Variants in SPATA9 observed in about 807,000 individuals in gnomAD.
SPATA9 encodes spermatogenesis associated 9.
A neutral mutation model predicts 25.5 loss-of-function variants in SPATA9; 27 were observed. That is an observed-to-expected ratio of 1.06 (90% CI 0.78 to 1.46). SPATA9 has a LOEUF of 1.46. SPATA9 is among the 40% of genes most tolerant of loss of function. The pLI, the probability that SPATA9 is intolerant of heterozygous loss-of-function variation, is 0.00. For synonymous variants in SPATA9, 102 were observed against 105.7 expected, an observed-to-expected ratio of 0.97 and a Z score of 0.21; for missense variants, 282 against 297.5, an observed-to-expected ratio of 0.95 and a Z score of 0.38.
At chr5:95,726,963 C>T in the SPATA9 span, among the ~76,000 whole-genome samples, 3 of 151,928 alleles carry the variant, frequency 2.0e-5, no homozygotes, top group African/African-American at 4.8e-5. Flanking sequence ...TTCGTTTCCC[C>T]CCTTTTTTTT....
In SPATA9 at chr5:95,663,930, T is replaced by G; in HGVS notation, c.474+23A>C. On this transcript the variant is annotated intron_variant, in intron 4 of 4. Transcript: ENST00000274432. ...CAAAATAAGTAGATTTATTTCTAGA[T>G]TCTAATAATTTTCTTAACTTACCAA... 2.3e-6 allele frequency: 3 copies of G among 1,315,002 alleles called. No homozygotes were observed. The South Asian group carries it at 4.2e-5, about 18-fold the overall frequency. 81.5% of individuals were successfully genotyped at this position (1,315,002 alleles called of 1,614,324 possible). A position where few individuals can be genotyped will look rare whatever the true frequency, so the allele number is the denominator to read the frequency against.
rs1580297191 is a variant in SPATA9 at position 95,665,186 on chromosome 5, C to T, written c.379-1138G>A. Reference sequence around the variant, plus strand: ...TAGTTAGCATCTGTATCACATTGTGCATTTATCATTTCTTTGTGGTGAGAA... The same window carrying T: ...TAGTTAGCATCTGTATCACATTGTGTATTTATCATTTCTTTGTGGTGAGAA... On this transcript the variant is annotated intron_variant, in intron 3 of 4. Coordinates refer to ENST00000274432, the MANE Select transcript of SPATA9 (RefSeq NM_031952.4). Among the ~76,000 whole-genome samples, 5 of 152,130 alleles carry T rather than the reference C, an allele frequency of 3.3e-5. No homozygotes were observed. In the South Asian group the frequency reaches 1.0e-3, roughly 31 times the overall value.
chr5:95,730,761 C>T, the SPATA9 span: 1 of 377,510 alleles, frequency 2.6e-6, no homozygotes, highest in Admixed American at 3.1e-5. Flanking sequence ...CCCAAGGCGA[C>T]ATTAGCAAAT....
intron 3 of SPATA9, chr5:95,674,604 C>T (rs149991621): frequency 0.015 from 3,874 of 252,490 alleles, 53 homozygotes; most frequent in Non-Finnish European, 0.018. Flanking sequence ...GAAAGTCAGC[C>T]TAATAATGGA....
intron 1 of SPATA9, among the ~76,000 whole-genome samples, chr5:95,695,727 A>G (rs1580358590): frequency 6.6e-6 from 1 of 152,342 alleles, no homozygotes; most frequent in South Asian, 2.1e-4. Context: ...GAAATATATG[A>G]AATATTTGTT....
At chr5:95,667,292 G>A (rs2112587321) in intron 3 of SPATA9, among the ~76,000 whole-genome samples, 1 of 141,474 alleles carries the variant, frequency 7.1e-6, no homozygotes, top group African/African-American at 2.6e-5. Flanking sequence ...ACCAAGAATA[G>A]GATCTAGCCT....
At chr5:95,662,782 T>TA (rs1751385356) in intron 4 of SPATA9, among the ~76,000 whole-genome samples, 1 of 152,180 alleles carries the variant, frequency 6.6e-6, no homozygotes, top group South Asian at 2.1e-4. Flanking sequence ...AATGTCCAAC[T>TA]AATATATGCA....
chr5:95,664,469 G>A (rs1751567739), intron 3 of SPATA9, among the ~76,000 whole-genome samples: 1 of 152,136 alleles, frequency 6.6e-6, no homozygotes. Context: ...GACCTGCTTG[G>A]AAATGTTAAT....
At chr5:95,678,757 A>G (rs1422630905) in intron 2 of SPATA9, among the ~76,000 whole-genome samples, 2 of 152,168 alleles carry the variant, frequency 1.3e-5, no homozygotes, top group Non-Finnish European at 2.9e-5. Flanking sequence ...TTACAATCTA[A>G]CCTTTTAAAA....
chr5:95,658,021 T>G (rs1383572977), downstream of SPATA9: 1 of 152,156 alleles, frequency 6.6e-6, no homozygotes, highest in East Asian at 1.9e-4. Context: ...TGCACTTGAT[T>G]TTTCATTCTA....
chr5:95,717,200 A>C, the SPATA9 span: 1 of 152,224 alleles, frequency 6.6e-6, no homozygotes, highest in African/African-American at 2.4e-5. Flanking sequence ...TAACAGAATA[A>C]AGATTGTCCT....
intron 2 of SPATA9, among the ~76,000 whole-genome samples, 192 bp downstream of exon 2, chr5:95,682,336 G>T (rs1753536736): frequency 6.6e-6 from 1 of 151,938 alleles, no homozygotes; most frequent in Admixed American, 6.6e-5. Flanking sequence ...CTCACTTCTT[G>T]GTCCACAATC....
chr5:95,706,516 T>C, the SPATA9 span, among the ~76,000 whole-genome samples: 6 of 152,002 alleles, frequency 3.9e-5, no homozygotes, highest in Admixed American at 3.3e-4. Context: ...GCCTGCAGAA[T>C]TGTGAGCCAA....
rs778418552 is a variant in SPATA9, at chr5:95,682,856, G to A, written c.-2C>T. 5.9e-6 allele frequency: 9 copies of A among 1,522,790 alleles called. No individual in the cohort carries two copies. The South Asian group carries it at 1.2e-4, about 21-fold the overall frequency. 94.3% of individuals were successfully genotyped at this position (1,522,790 alleles called of 1,614,324 possible). On this transcript the variant is annotated 5_prime_UTR_variant, in exon 1 of 5. Transcript: ENST00000274432. ...CCACCCAACAGGTTTGATTGGCATG[G>A]TGAGTTCTTGCTTGGGTTCCTAGTC...
the SPATA9 span, among the ~76,000 whole-genome samples, chr5:95,707,469 C>A: frequency 6.6e-6 from 1 of 151,466 alleles, no homozygotes; most frequent in African/African-American, 2.4e-5. Context: ...AACTTTTATA[C>A]CTTGGTTTAG....
chr5:95,718,318 T>G, the SPATA9 span, among the ~76,000 whole-genome samples: 1 of 152,164 alleles, frequency 6.6e-6, no homozygotes, highest in South Asian at 2.1e-4. Flanking sequence ...GTACAGTCCC[T>G]GCAAGTTAAA....
upstream of SPATA9, chr5:95,683,095 A>G: frequency 3.1e-6 from 3 of 978,584 alleles, no homozygotes; most frequent in South Asian, 5.3e-5. Context: ...TTGGAGGCAT[A>G]AGGGAAGGAG....
the SPATA9 span, among the ~76,000 whole-genome samples, chr5:95,714,419 G>A: frequency 0.022 from 3,400 of 152,216 alleles, 135 homozygotes; most frequent in African/African-American, 0.076. Flanking sequence ...AAGTAATCCT[G>A]TAGCAGAGAA....
At chr5:95,731,416 G>A in the SPATA9 span, 1 of 1,189,452 alleles carries the variant, frequency 8.4e-7, no homozygotes. Context: ...GGGCTGTGCG[G>A]CGGTCCCGCG....
Sources: gnomAD v4.1 joint callset for allele counts (sites outside exome capture counted in the v4.1 genomes callset) on GRCh38, gnomAD v4.1.1 for gene constraint, MANE v1.5 for transcripts, NCBI Gene and HGNC (gene_info 2026-07-23, HGNC 2026-07-21) for gene names.